The following BNC2 variants were observed in gnomAD, a reference collection of about 807,000 sequenced individuals.
BNC2 encodes zinc finger protein basonuclin-2.
BNC2 carries 20 observed loss-of-function variants against 76.3 expected under a neutral mutation model. The observed-to-expected ratio is 0.26, with a 90% CI of 0.18 to 0.38. The LOEUF (loss-of-function observed/expected upper bound fraction) is 0.38, where lower values mean the gene tolerates loss of function less well. Ranked by LOEUF, BNC2 falls within the 10% of genes least tolerant of loss-of-function variation. BNC2 has a pLI of 1.00. For missense variants in BNC2, 1,382 were observed against 1,399.8 expected (o/e 0.99, Z 0.20); for synonymous variants, 582 against 514.8 (o/e 1.13, Z -1.77).
At position 16,714,233 on chromosome 9, in the gene BNC2, A is replaced by T. The variant is rs546604010; in HGVS notation, c.330+13564T>A. On this transcript the variant is annotated intron_variant, in intron 3 of 6. Coordinates refer to ENST00000380672, the MANE Select transcript of BNC2 (RefSeq NM_017637.6). ...AATGAATGCTTTGAAATAGCCTAGC[A>T]TATGTAACAATAAAACTATCTAGCA... Among the ~76,000 whole-genome samples the T allele has an allele frequency of 3.3e-5, 5 of 152,254 alleles. No individual in the cohort carries two copies. In the East Asian group the frequency reaches 9.6e-4, roughly 29 times the overall value.
chr9:16,770,787 C>G (rs994991190), intron 1 of BNC2, among the ~76,000 whole-genome samples: 9 of 151,996 alleles, frequency 5.9e-5, no homozygotes, highest in Non-Finnish European at 1.2e-4. Flanking sequence ...TCGCTTGAAC[C>G]CCAGGAGGTG....
intron 5 of BNC2, among the ~76,000 whole-genome samples, chr9:16,527,324 G>C (rs1401606604): frequency 2.6e-5 from 4 of 152,210 alleles, no homozygotes; most frequent in African/African-American, 9.7e-5. Flanking sequence ...TAGCATCAAA[G>C]AGACAGGAAA....
intron 5 of BNC2, among the ~76,000 whole-genome samples, chr9:16,470,442 A>C (rs1171001421): frequency 1.3e-5 from 2 of 152,238 alleles, no homozygotes; most frequent in Non-Finnish European, 2.9e-5. Context: ...GCCTAATGTT[A>C]ATCCCCAAGA....
intron 3 of BNC2, among the ~76,000 whole-genome samples, chr9:16,620,032 C>A (rs1820821233): frequency 6.6e-6 from 1 of 152,172 alleles, no homozygotes; most frequent in African/African-American, 2.4e-5. Context: ...CCGTGAAGAT[C>A]AGGCTCCAAA....
chr9:16,590,696 A>G lies in BNC2; in HGVS notation c.331-7611T>C, dbSNP rs145881030. Among the ~76,000 whole-genome samples the G allele has an allele frequency of 9.3e-4, 141 of 152,138 alleles. 1 individual carries two copies. Among genetic ancestry groups the G allele is most frequent in the African/African-American group, 3.1e-3 (129 of 41,558 alleles). ...GTGGCATGCACCTGTGGTTCTAGCT[A>G]CGCGGGAGGCTGAGGCGGGAAGACT... On this transcript the variant is annotated intron_variant, in intron 3 of 6. Coordinates refer to ENST00000380672, the MANE Select transcript of BNC2 (RefSeq NM_017637.6).
chr9:16,699,567 A>G (rs1291540333), intron 3 of BNC2, among the ~76,000 whole-genome samples: 1 of 152,234 alleles, frequency 6.6e-6, no homozygotes, highest in African/African-American at 2.4e-5. Context: ...TATAAAGAAC[A>G]CTGTGGCACT....
intron 5 of BNC2, among the ~76,000 whole-genome samples, chr9:16,483,171 G>A (rs1382341652): frequency 6.6e-6 from 1 of 152,158 alleles, no homozygotes; most frequent in African/African-American, 2.4e-5. Flanking sequence ...GTTTTCCCCT[G>A]TTTATACCAT....
At chr9:16,646,604 A>C (rs1377123594) in intron 3 of BNC2, among the ~76,000 whole-genome samples, 1 of 152,186 alleles carries the variant, frequency 6.6e-6, no homozygotes, top group Non-Finnish European at 1.5e-5. Context: ...GATTAACTGG[A>C]AAAGGCATAA....
intron 1 of BNC2, among the ~76,000 whole-genome samples, chr9:16,824,854 AAAT>A (rs1239205949): frequency 6.6e-6 from 1 of 152,134 alleles, no homozygotes; most frequent in Non-Finnish European, 1.5e-5. Flanking sequence ...CCTGGAGTGC[AAAT>A]AATTGTTCTA....
At chr9:16,714,758 T>C (rs1361012219) in intron 3 of BNC2, among the ~76,000 whole-genome samples, 1 of 152,208 alleles carries the variant, frequency 6.6e-6, no homozygotes, top group African/African-American at 2.4e-5. Flanking sequence ...TTGTTTCCTT[T>C]TCCCACGAAA....
intron 3 of BNC2, among the ~76,000 whole-genome samples, chr9:16,607,499 G>A (rs751169228): frequency 1.5e-4 from 23 of 152,106 alleles, no homozygotes; most frequent in African/African-American, 4.6e-4. Flanking sequence ...TTTTGATAAC[G>A]GCTACACTTT....
At chr9:16,739,759 T>C (rs541622104) in intron 1 of BNC2, among the ~76,000 whole-genome samples, 1 of 151,854 alleles carries the variant, frequency 6.6e-6, no homozygotes, top group East Asian at 1.9e-4. Context: ...ACTGTGAAGA[T>C]AAAATCAAGG....
At chr9:16,493,543 A>G (rs953397912) in intron 5 of BNC2, among the ~76,000 whole-genome samples, 12 of 152,316 alleles carry the variant, frequency 7.9e-5, no homozygotes, top group Admixed American at 6.5e-4. Context: ...TTCCAGTTCT[A>G]TGCTGGCCTC....
chr9:16,464,193 C>A (rs1563795977), intron 5 of BNC2, among the ~76,000 whole-genome samples: 1 of 151,540 alleles, frequency 6.6e-6, no homozygotes, highest in Non-Finnish European at 1.5e-5. Context: ...TCTTTAAGAT[C>A]CTCAAATAAA....
intron 1 of BNC2, among the ~76,000 whole-genome samples, chr9:16,774,314 C>G (rs1825907143): frequency 6.6e-6 from 1 of 152,184 alleles, no homozygotes; most frequent in Non-Finnish European, 1.5e-5. Flanking sequence ...AGTACAACTA[C>G]TATTCGTTAC....
intron 3 of BNC2, among the ~76,000 whole-genome samples, chr9:16,685,953 G>C (rs1224887532): frequency 1.3e-5 from 2 of 152,028 alleles, no homozygotes; most frequent in African/African-American, 4.8e-5. Flanking sequence ...GGAAATGCAG[G>C]GATGGGAAAA....
chr9:16,474,476 G>A (rs1821889262), intron 5 of BNC2, among the ~76,000 whole-genome samples: 1 of 152,132 alleles, frequency 6.6e-6, no homozygotes, highest in Non-Finnish European at 1.5e-5. Context: ...TTTTGTAATT[G>A]AATAGAGGAG....
At chr9:16,759,885 G>C (rs374795592) in intron 1 of BNC2, among the ~76,000 whole-genome samples, 1 of 151,896 alleles carries the variant, frequency 6.6e-6, no homozygotes, top group Non-Finnish European at 1.5e-5. Context: ...CACCACGCCC[G>C]GCTAATTTTT....
At chr9:16,725,539 T>TA (rs966630663) in intron 3 of BNC2, among the ~76,000 whole-genome samples, 11 of 152,166 alleles carry the variant, frequency 7.2e-5, no homozygotes, top group African/African-American at 2.7e-4. Flanking sequence ...AAAACATATT[T>TA]AAAACTGTGA....
Sources: allele counts gnomAD v4.1 joint callset (sites outside exome capture counted in the v4.1 genomes callset), GRCh38; gene constraint gnomAD v4.1.1; transcripts MANE v1.5; gene names NCBI Gene and HGNC (gene_info 2026-07-23, HGNC 2026-07-21).